The following IRAG2 variants were observed in gnomAD, a reference collection of about 807,000 sequenced individuals.
IRAG2 encodes the protein inositol 1,4,5-triphosphate receptor associated 2, also known as lymphoid restricted membrane protein.
A neutral mutation model predicts 69.9 loss-of-function variants in IRAG2; 45 were observed. The observed-to-expected ratio is 0.64, with a 90% CI of 0.51 to 0.83. The LOEUF (loss-of-function observed/expected upper bound fraction) is 0.83, where lower values mean the gene tolerates loss of function less well. Among genes scored for constraint, IRAG2 ranks in the 40% least tolerant of loss-of-function variants. IRAG2 has a pLI of 0.00. For synonymous variants in IRAG2, 193 were observed against 202.4 expected (o/e 0.95, Z 0.40); for missense variants, 520 against 587.0 (o/e 0.89, Z 1.18).
Position 25,006,847 on chromosome 12 carries a change from C to A in IRAG2, c.688+1493C>A, listed in dbSNP as rs570216322. 2.6e-5 allele frequency among the ~76,000 whole-genome samples: 4 copies of A among 151,874 alleles called. No homozygotes were observed. The East Asian group carries it at 7.7e-4, about 29-fold the overall frequency. Reference sequence around the variant, plus strand: ...CTCATGTAGCAAACCTGCACATACACCCCCTGAACCTAAAAGTTGAGAGAA... The same window carrying A: ...CTCATGTAGCAAACCTGCACATACAACCCCTGAACCTAAAAGTTGAGAGAA... On this transcript the variant is annotated intron_variant, in intron 2 of 38. Transcript: ENST00000636465.
intron 6 of IRAG2, among the ~76,000 whole-genome samples, chr12:25,077,205 A>AT (rs1459235027): frequency 8.7e-6 from 1 of 114,540 alleles, no homozygotes; most frequent in Non-Finnish European, 1.8e-5. Flanking sequence ...TGAAATATAT[A>AT]TATGATATAT....
At chr12:24,998,499 A>G in the IRAG2 span, among the ~76,000 whole-genome samples, 2 of 152,220 alleles carry the variant, frequency 1.3e-5, no homozygotes, top group Admixed American at 6.5e-5. Flanking sequence ...TGGCAGATAT[A>G]AAATTCACTG....
chr12:25,019,443 T>C (rs533508422), intron 6 of IRAG2, among the ~76,000 whole-genome samples: 1 of 152,292 alleles, frequency 6.6e-6, no homozygotes, highest in African/African-American at 2.4e-5. Flanking sequence ...TGTGGAAAGA[T>C]AATCTTCCCC....
rs559912137 is a variant in IRAG2 at position 25,086,292 on chromosome 12, C to T, written c.316-1808C>T. ...GATGACATGTCACGGGTATGGGAAA[C>T]GGTAGATACCCAGGCTTATGGCTTA... On this transcript the variant is annotated intron_variant, in intron 10 of 21. Transcript: ENST00000556887. Among the ~76,000 whole-genome samples the T allele has an allele frequency of 1.5e-4, 23 of 152,068 alleles. No individual in the cohort carries two copies. The East Asian group carries it at 2.5e-3, about 17-fold the overall frequency.
chr12:25,056,789 C>T (rs1465832340), intron 1 of IRAG2, among the ~76,000 whole-genome samples: 1 of 152,176 alleles, frequency 6.6e-6, no homozygotes, highest in African/African-American at 2.4e-5. Context: ...CTCTCACCTT[C>T]CTCAGGAAAG....
At chr12:25,054,676 G>A (rs1000115510) in intron 1 of IRAG2, among the ~76,000 whole-genome samples, 3 of 152,100 alleles carry the variant, frequency 2.0e-5, no homozygotes, top group African/African-American at 7.2e-5. Context: ...TCTGTCTTGA[G>A]TTATGCATAA....
chr12:25,000,723 A>G (rs1944386089), upstream of IRAG2, among the ~76,000 whole-genome samples: 1 of 152,264 alleles, frequency 6.6e-6, no homozygotes, highest in African/African-American at 2.4e-5. Context: ...GTTATCTACA[A>G]GTGTACCATC....
intron 9 of IRAG2, among the ~76,000 whole-genome samples, chr12:25,081,053 C>T (rs6487452): frequency 0.42 from 64,524 of 151,998 alleles, 13,887 homozygotes; most frequent in South Asian, 0.53. Context: ...GACATACCTA[C>T]GATAAGTTTA....
chr12:25,009,807 A>G lies in IRAG2; in HGVS notation c.689-1537A>G, dbSNP rs1009152635. 9.0e-3 allele frequency among the ~76,000 whole-genome samples: 8 copies of G among 884 alleles called. No homozygotes were observed. The Admixed American group carries it at 0.33, about 37-fold the overall frequency. The allele number at this position is 884 out of a possible 152,430, so 0.6% of individuals were successfully genotyped here. A position where few individuals can be genotyped will look rare whatever the true frequency, so the allele number is the denominator to read the frequency against. ...TTTCAATTCAAGTCTAGAAGCAGGA[A>G]AAAAAAAAAAATCAATGTCCCAGTT... On this transcript the variant is annotated intron_variant, in intron 2 of 38. Coordinates refer to the IRAG2 transcript ENST00000636465.
chr12:25,021,478 T>A (rs1024601067), intron 7 of IRAG2, among the ~76,000 whole-genome samples: 1 of 152,214 alleles, frequency 6.6e-6, no homozygotes, highest in African/African-American at 2.4e-5. Flanking sequence ...TCTCAGTACT[T>A]GCAGGTTACT....
intron 14 of IRAG2, among the ~76,000 whole-genome samples, chr12:25,094,731 C>CGTCT (rs1948306733): frequency 6.6e-6 from 1 of 151,572 alleles, no homozygotes; most frequent in Admixed American, 6.6e-5. Flanking sequence ...TTATTTGTGT[C>CGTCT]TTGTCTTCTT....
intron 16 of IRAG2, among the ~76,000 whole-genome samples, chr12:25,045,567 G>C (rs1312782695): frequency 6.6e-6 from 1 of 151,690 alleles, no homozygotes; most frequent in African/African-American, 2.4e-5. Context: ...GAAATACAAA[G>C]GATTATAAAA....
At chr12:25,034,694 G>T (rs1347847042) in intron 13 of IRAG2, among the ~76,000 whole-genome samples, 1 of 152,110 alleles carries the variant, frequency 6.6e-6, no homozygotes, top group Non-Finnish European at 1.5e-5. Flanking sequence ...CTTCCTATCT[G>T]TGGACGATAG....
At chr12:25,003,305 T>C (rs935250757), upstream of IRAG2, among the ~76,000 whole-genome samples, 1 of 152,226 alleles carries the variant, frequency 6.6e-6, no homozygotes, top group African/African-American at 2.4e-5. Flanking sequence ...CTATTGAAAC[T>C]ATTTTAACCT....
intron 3 of IRAG2, chr12:25,015,163 T>TTTC: frequency 8.3e-7 from 1 of 1,197,644 alleles, no homozygotes; most frequent in Non-Finnish European, 1.0e-6. Context: ...TTGTTTTTTT[T>TTTC]TTTTTTTTTT....
At chr12:25,078,944 G>C (rs143339932) in intron 6 of IRAG2, among the ~76,000 whole-genome samples, 22 of 152,174 alleles carry the variant, frequency 1.4e-4, no homozygotes, top group Non-Finnish European at 2.9e-5. Context: ...TGACTTAAGC[G>C]TATGAAATAA....
chr12:25,077,764 G>T (rs978492368), intron 6 of IRAG2, among the ~76,000 whole-genome samples: 13 of 152,038 alleles, frequency 8.6e-5, no homozygotes, highest in African/African-American at 2.7e-4. Context: ...TGTCATGAGG[G>T]GTTTCAGTCA....
intron 6 of IRAG2, among the ~76,000 whole-genome samples, chr12:25,076,971 G>A (rs988922406): frequency 6.6e-5 from 10 of 150,650 alleles, no homozygotes; most frequent in Non-Finnish European, 1.5e-4. Flanking sequence ...AACCACCTGG[G>A]CTCAAGCAAT....
intron 3 of IRAG2, among the ~76,000 whole-genome samples, chr12:25,014,785 C>T (rs1025658707): frequency 1.3e-5 from 2 of 151,810 alleles, no homozygotes; most frequent in African/African-American, 4.8e-5. Flanking sequence ...GATCTTGCAA[C>T]CTCCACAAGT....
Sources: gnomAD v4.1 joint callset for allele counts (sites outside exome capture counted in the v4.1 genomes callset) on GRCh38, gnomAD v4.1.1 for gene constraint, MANE v1.5 for transcripts, NCBI Gene and HGNC (gene_info 2026-07-23, HGNC 2026-07-21) for gene names.